Variants in FANCA observed in about 807,000 individuals in gnomAD.
The protein encoded by FANCA is Fanconi anemia group A protein.
FANCA carries 236 observed loss-of-function variants against 194.3 expected under a neutral mutation model. That is an observed-to-expected ratio of 1.21 (90% confidence interval 1.09 to 1.35). FANCA has a LOEUF of 1.35. Ranked by LOEUF, FANCA falls within the 40% of genes most tolerant of loss-of-function variation. The pLI is 0.00. For missense variants in FANCA, 2,628 were observed against 1,813.9 expected, an observed-to-expected ratio of 1.45 and a Z score of -8.15; for synonymous variants, 1,014 against 715.8, an observed-to-expected ratio of 1.42 and a Z score of -6.65.
chr16:89,745,834 G>C (rs1182780645), intron 35 of FANCA, among the ~76,000 whole-genome samples: 8 of 152,240 alleles, frequency 5.3e-5, no homozygotes, highest in Admixed American at 5.2e-4. Flanking sequence ...ACACTGCCCT[G>C]AGCTGGGAAT....
intron 28 of FANCA, among the ~76,000 whole-genome samples, chr16:89,764,045 C>T (rs2039043169): frequency 6.6e-6 from 1 of 151,604 alleles, no homozygotes; most frequent in Non-Finnish European, 1.5e-5. Context: ...AGTTTAAGAC[C>T]AGCCTGGACA....
intron 1 of FANCA, chr16:89,816,327 G>A (rs988244047): frequency 2.4e-5 from 6 of 254,602 alleles, no homozygotes; most frequent in East Asian, 1.2e-4. Context: ...CGCCCCGCGG[G>A]CGGCGGCTGG....
intron 10 of FANCA, chr16:89,798,474 A>G: frequency 1.8e-6 from 2 of 1,095,386 alleles, no homozygotes; most frequent in East Asian, 8.9e-5. Context: ...CAAAATAAAG[A>G]ATGAAAAGGT....
Position 89,745,062 on chromosome 16 carries a change from GCCA to G in FANCA, c.3520_3522del (p.Trp1174del), listed in dbSNP as rs1555536446. 3.1e-6 allele frequency: 5 copies of G among 1,605,138 alleles called. No homozygotes were observed. The highest frequency in any genetic ancestry group is 4.2e-6 in the Non-Finnish European group (5 of 1,178,518). The stretch of plus-strand genomic sequence containing the variant: ...CAGAGCAGCACAGGCTCCAGGCTCG[GCCA>G]CCACACCTATGGAGAGAGCACCAGC... On this transcript the variant is annotated inframe_deletion, in exon 36 of 43. Transcript: ENST00000389301.
At chr16:89,761,202 G>A (rs2283566) in intron 29 of FANCA, among the ~76,000 whole-genome samples, 9,106 of 152,220 alleles carry the variant, frequency 0.06, 424 homozygotes, top group East Asian at 0.22. Flanking sequence ...AGTGGATCAC[G>A]AGGTCAGGAG....
intron 28 of FANCA, among the ~76,000 whole-genome samples, chr16:89,763,848 A>C (rs577221702): frequency 6.8e-6 from 1 of 148,020 alleles, no homozygotes; most frequent in East Asian, 2.1e-4. Context: ...CAGGAGAATC[A>C]CTTGAACCAG....
chr16:89,803,606 T>G lies in FANCA; in HGVS notation c.710-265A>C, dbSNP rs866274794. ...CACTTCTATTTGAAAGGGAACAAGT[T>G]TATAGTCAGATTTTTTTCTTTTTTT... On this transcript the variant is annotated intron_variant, in intron 7 of 42. Transcript: ENST00000389301. 5.9e-5 allele frequency among the ~76,000 whole-genome samples: 9 copies of G among 151,426 alleles called. 1 individual carries two copies. Among genetic ancestry groups the G allele is most frequent in the Admixed American group, 1.3e-4 (2 of 15,072 alleles).
intron 39 of FANCA, 124 bp from the exon 40 acceptor site, chr16:89,739,677 A>G: frequency 6.6e-7 from 1 of 1,516,690 alleles, no homozygotes; most frequent in Non-Finnish European, 8.9e-7. Context: ...GTGTGGGGCG[A>G]ACAGCCTGAG....
At chr16:89,805,600 A>G (rs2040611816) in intron 6 of FANCA, among the ~76,000 whole-genome samples, 1 of 152,064 alleles carries the variant, frequency 6.6e-6, no homozygotes, top group African/African-American at 2.4e-5. Flanking sequence ...TTGGGACAAC[A>G]GGCGCATACC....
chr16:89,758,942 T>G (rs760025984), intron 29 of FANCA, among the ~76,000 whole-genome samples: 8 of 151,906 alleles, frequency 5.3e-5, no homozygotes, highest in Non-Finnish European at 1.2e-4. Flanking sequence ...CTTCCACGGA[T>G]CAAAGGCCAC....
chr16:89,768,688 A>G (rs556652241), intron 26 of FANCA, among the ~76,000 whole-genome samples: 6 of 152,124 alleles, frequency 3.9e-5, no homozygotes, highest in Non-Finnish European at 8.8e-5. Context: ...AAACAAAAAA[A>G]AAAACAAAAC....
rs747145547 is a variant in FANCA at position 89,778,850 on chromosome 16, G to C, written c.1777C>G (p.Leu593Val). 1.2e-6 allele frequency: 2 copies of C among 1,614,066 alleles called. No homozygotes were observed. The highest frequency in any genetic ancestry group is 1.7e-6 in the Non-Finnish European group (2 of 1,180,012). Residue 593 changes from leucine to valine, a missense_variant and splice_region_variant, in exon 20 of 43, where the codon CTC (leucine) becomes GTC (valine). Physicochemically the swap from Leu to Val is conservative, Grantham distance 32. Coordinates refer to ENST00000389301, the MANE Select transcript of FANCA (RefSeq NM_000135.4). ...ACACGGGAGTCAGGGACTTTGGGGA[G>C]CTGTGGGAAGAGAAGAGACCTGTGA... ...FLPALLTPRVLPKVPDSRVAF... is the reference protein window; with the variant it reads ...FLPALLTPRVVPKVPDSRVAF...
rs1451316345 is a variant in FANCA at position 89,773,406 on chromosome 16, C to G, written c.1901-22G>C. The G allele has an allele frequency of 7.3e-6, 11 of 1,512,130 alleles. No individual in the cohort carries two copies. In the African/African-American group the frequency reaches 1.4e-4, roughly 19 times the overall value. The allele number at this position is 1,512,130 out of a possible 1,614,324, so 93.7% of individuals were successfully genotyped here. On this transcript the variant is annotated intron_variant, in intron 21 of 42. Transcript: ENST00000389301. ...GCATCTGTGAGAAGAAGGAAGAAACCAGATGGAAAGACACTCAACAGGACT... is the reference window on the plus strand; with the variant it reads ...GCATCTGTGAGAAGAAGGAAGAAACGAGATGGAAAGACACTCAACAGGACT...
chr16:89,782,499 G>A (rs1161937352), intron 17 of FANCA, among the ~76,000 whole-genome samples: 4 of 149,416 alleles, frequency 2.7e-5, no homozygotes, highest in African/African-American at 9.9e-5. Flanking sequence ...GACAGACCAA[G>A]ACTGCATCTC....
chr16:89,808,024 C>G (rs1227612226), intron 6 of FANCA, among the ~76,000 whole-genome samples: 1 of 151,970 alleles, frequency 6.6e-6, no homozygotes, highest in East Asian at 1.9e-4. Context: ...TGCCACTGCA[C>G]TCCCACCTGG....
Position 89,799,541 on chromosome 16 carries a change from T to G in FANCA, c.826+64A>C, listed in dbSNP as rs1598165324. 1.3e-5 allele frequency: 19 copies of G among 1,442,700 alleles called. No individual in the cohort carries two copies. The East Asian group carries it at 2.3e-4, about 17-fold the overall frequency. The allele number at this position is 1,442,700 out of a possible 1,614,324, so 89.4% of individuals were successfully genotyped here. On this transcript the variant is annotated intron_variant, in intron 9 of 42. Coordinates refer to ENST00000389301, the MANE Select transcript of FANCA (RefSeq NM_000135.4). The stretch of plus-strand genomic sequence containing the variant: ...TACCTCAAATGGAAAGGCAGAAAAC[T>G]GATACAATTGCTAATAAGCAAACTA...
Position 89,738,971 on chromosome 16 carries a change from T to G in FANCA, c.4171A>C (p.Asn1391His). 1 of 1,614,232 alleles carries G rather than the reference T, an allele frequency of 6.2e-7. No homozygotes were observed. Among genetic ancestry groups the G allele is most frequent in the Non-Finnish European group, 8.5e-7 (1 of 1,180,044 alleles). ...GCTTTTGTTATCAGTTCCACGGGGTTGCCCTAGAGAGAAAACAGGCAAACT... is the reference window on the plus strand; with the variant it reads ...GCTTTTGTTATCAGTTCCACGGGGTGGCCCTAGAGAGAAAACAGGCAAACT... The part of the protein sequence containing the change: ...GRSLELKGQG[N>H]PVELITKARL... The change falls in exon 42 of 43, where the codon AAC becomes CAC. Residue 1391 changes from asparagine to histidine, a missense_variant. Coordinates refer to ENST00000389301, the MANE Select transcript of FANCA (RefSeq NM_000135.4).
At chr16:89,793,656 C>T (rs2143542891) in intron 11 of FANCA, among the ~76,000 whole-genome samples, 1 of 151,816 alleles carries the variant, frequency 6.6e-6, no homozygotes, top group South Asian at 2.1e-4. Context: ...GCAGTGCTCA[C>T]CACAGCCTCG....
chr16:89,772,170 A>T (rs11646766), intron 22 of FANCA, among the ~76,000 whole-genome samples: 9,109 of 152,322 alleles, frequency 0.06, 421 homozygotes, highest in East Asian at 0.22. Context: ...TGGCCCAGGG[A>T]AATGGGCCAC....
Sources: gnomAD v4.1 joint callset for allele counts (sites outside exome capture counted in the v4.1 genomes callset) on GRCh38, gnomAD v4.1.1 for gene constraint, MANE v1.5 for transcripts, NCBI Gene and HGNC (gene_info 2026-07-23, HGNC 2026-07-21) for gene names.